SLC1A7: variants seen among roughly 807,000 people sequenced by gnomAD.
SLC1A7 encodes solute carrier family 1 member 7, also known as excitatory amino acid transporter 5.
In SLC1A7, 40 loss-of-function variants were observed where a neutral mutation model predicts 47.7. The observed-to-expected ratio is 0.84, with a 90% confidence interval of 0.65 to 1.09. SLC1A7 has a LOEUF of 1.09. SLC1A7 is among the 50% of genes least tolerant of loss of function. The pLI is 0.00. For missense variants in SLC1A7, 746 were observed against 769.5 expected (o/e 0.97, Z 0.36); for synonymous variants, 323 against 325.6 (o/e 0.99, Z 0.09).
chr1:53,134,270 C>T, intron 2 of SLC1A7, 80 bp downstream of exon 2: 3 of 1,029,346 alleles, frequency 2.9e-6, no homozygotes, highest in South Asian at 1.4e-5. Flanking sequence ...TCCAGCCACC[C>T]ACAGCAGGAG....
chr1:53,092,074 G>A (rs1242555268), intron 7 of SLC1A7, among the ~76,000 whole-genome samples: 1 of 152,210 alleles, frequency 6.6e-6, no homozygotes, highest in African/African-American at 2.4e-5. Context: ...GCAATGCCCA[G>A]GCACAGCGAG....
At chr1:53,108,453 G>T in intron 3 of SLC1A7, 1 of 637,310 alleles carries the variant, frequency 1.6e-6, no homozygotes, top group South Asian at 1.9e-5. Context: ...TTCCTTAACA[G>T]AAGTCCTATT....
intron 3 of SLC1A7, chr1:53,108,562 C>G: frequency 1.4e-6 from 1 of 717,860 alleles, no homozygotes; most frequent in Non-Finnish European, 2.6e-6. Flanking sequence ...GTGGTGATTC[C>G]TGGAAAACTC....
Position 53,093,578 on chromosome 1 carries a change from A to C in SLC1A7, c.698-18T>G, listed in dbSNP as rs755033241. The C allele has an allele frequency of 1.8e-5, 29 of 1,578,660 alleles. No homozygotes were observed. The highest frequency in any genetic ancestry group is 1.4e-4 in the Admixed American group (8 of 55,996). On this transcript the variant is annotated intron_variant, in intron 5 of 10. Transcript: ENST00000371494. ...CATGATGCCTGCGGGTCAGGGACAC[A>C]GTGCTGTGGTAAAGCAGGGACAGAC...
chr1:53,113,259 C>T (rs1644718894), intron 3 of SLC1A7, among the ~76,000 whole-genome samples: 1 of 152,088 alleles, frequency 6.6e-6, no homozygotes, highest in South Asian at 2.1e-4. Context: ...TCCCAGGCTC[C>T]ATCCCAATCC....
intron 1 of SLC1A7, among the ~76,000 whole-genome samples, chr1:53,136,163 AT>A (rs2150346768): frequency 6.8e-6 from 1 of 147,216 alleles, no homozygotes; most frequent in Admixed American, 6.9e-5. Flanking sequence ...ATATATATAT[AT>A]ATAAAATAAT....
chr1:53,139,260 C>T (rs935234107), intron 1 of SLC1A7, among the ~76,000 whole-genome samples: 1 of 152,142 alleles, frequency 6.6e-6, no homozygotes, highest in Non-Finnish European at 1.5e-5. Context: ...ATTTAGAGAT[C>T]TTTTCTCTGA....
At chr1:53,141,199 C>T (rs1332823474) in intron 1 of SLC1A7, among the ~76,000 whole-genome samples, 1 of 152,142 alleles carries the variant, frequency 6.6e-6, no homozygotes, top group Admixed American at 6.5e-5. Flanking sequence ...CCCTCACCCT[C>T]CAGCATCCTG....
intron 3 of SLC1A7, among the ~76,000 whole-genome samples, chr1:53,114,205 C>T (rs1644730498): frequency 6.6e-6 from 1 of 152,178 alleles, no homozygotes; most frequent in Non-Finnish European, 1.5e-5. Context: ...GCCGCTGGGT[C>T]TGCAGTGCTT....
chr1:53,129,639 CCCCACTGCCCT>C (rs1352556149), intron 2 of SLC1A7, among the ~76,000 whole-genome samples: 2 of 141,204 alleles, frequency 1.4e-5, no homozygotes, highest in Non-Finnish European at 3.1e-5. Flanking sequence ...ACCCCGCTGG[CCCCACTGCCCT>C]CCCACTGGGC....
chr1:53,089,060 A>T, intron 9 of SLC1A7, 81 bp from the exon 10 acceptor site: 1 of 1,134,106 alleles, frequency 8.8e-7, no homozygotes, highest in Non-Finnish European at 1.3e-6. Context: ...AGCACAGTAC[A>T]GCACGGCCGG....
At chr1:53,107,798 G>A (rs1323346968) in intron 3 of SLC1A7, 2 of 152,096 alleles carry the variant, frequency 1.3e-5, no homozygotes, top group East Asian at 1.9e-4. Flanking sequence ...AAGAGTTCCC[G>A]GCACATACCA....
chr1:53,090,632 A>C lies in SLC1A7; in HGVS notation c.1206T>G (p.Phe402Leu). 6.3e-7 allele frequency: 1 copy of C among 1,598,998 alleles called. No individual in the cohort carries two copies. The highest frequency in any genetic ancestry group is 2.2e-5 in the East Asian group (1 of 44,582). ...IAQVNNYELDFGQIITISITA... is the reference protein window; with the variant it reads ...IAQVNNYELDLGQIITISITA... ...TGCACCTGATGGTGATGATCTGGCC[A>C]AAGTCCAGCTCGTAGTTGTTGACCT... The change falls in exon 8 of 11, where the codon TTT (phenylalanine) becomes TTG (leucine). Residue 402 changes from phenylalanine (F) to leucine (L), a missense_variant. By Grantham distance (22) the Phe-to-Leu change is conservative. Transcript: ENST00000371494.
At chr1:53,129,185 G>A (rs12022300) in intron 2 of SLC1A7, among the ~76,000 whole-genome samples, 53 of 125,872 alleles carry the variant, frequency 4.2e-4, no homozygotes, top group East Asian at 7.1e-4. Context: ...TCTCAAAAAA[G>A]AAAAAAAAAA....
At chr1:53,095,251 G>A (rs1430334546) in intron 5 of SLC1A7, among the ~76,000 whole-genome samples, 1 of 149,544 alleles carries the variant, frequency 6.7e-6, no homozygotes, top group Non-Finnish European at 1.5e-5. Context: ...GCATGCTGAT[G>A]GGGGAACACA....
chr1:53,089,407 G>A (rs1644394954), intron 9 of SLC1A7, among the ~76,000 whole-genome samples: 1 of 152,148 alleles, frequency 6.6e-6, no homozygotes, highest in Admixed American at 6.5e-5. Flanking sequence ...TGGGATTACA[G>A]GCACATGTCA....
At chr1:53,096,207 C>T (rs12095038) in intron 5 of SLC1A7, among the ~76,000 whole-genome samples, 3,682 of 151,248 alleles carry the variant, frequency 0.024, 55 homozygotes, top group South Asian at 0.029. Context: ...TACTTTCACG[C>T]GCCTAGCCTC....
chr1:53,100,904 A>G (rs1272658593), intron 5 of SLC1A7, among the ~76,000 whole-genome samples: 1 of 149,502 alleles, frequency 6.7e-6, no homozygotes, highest in Non-Finnish European at 1.5e-5. Context: ...GCCTCAATAC[A>G]TTCACACACC....
intron 10 of SLC1A7, among the ~76,000 whole-genome samples, chr1:53,088,489 C>T (rs192643790): frequency 6.1e-4 from 93 of 152,284 alleles, no homozygotes; most frequent in African/African-American, 2.2e-3. Context: ...GATCCCCTGC[C>T]TGACCTCAGC....
Sources: gnomAD v4.1 joint callset for allele counts (sites outside exome capture counted in the v4.1 genomes callset) on GRCh38, gnomAD v4.1.1 for gene constraint, MANE v1.5 for transcripts, NCBI Gene and HGNC (gene_info 2026-07-23, HGNC 2026-07-21) for gene names.